HIVEP1: variants seen among roughly 807,000 people sequenced by gnomAD.
HIVEP1 encodes the protein zinc finger protein 40.
HIVEP1 carries 36 observed loss-of-function variants against 180.0 expected under a neutral mutation model. The ratio of observed to expected loss-of-function variants is 0.20; its 90% CI spans 0.15 to 0.26. The LOEUF (loss-of-function observed/expected upper bound fraction) is 0.26. Ranked by LOEUF, HIVEP1 falls within the 10% of genes least tolerant of loss-of-function variation. The probability of loss-of-function intolerance (pLI) is 1.00; values close to 1 mark genes in which losing one functional copy is unlikely to be tolerated. For missense variants in HIVEP1, 3,143 were observed against 3,268.7 expected, an observed-to-expected ratio of 0.96 and a Z score of 0.94; for synonymous variants, 1,239 against 1,239.0, an observed-to-expected ratio of 1.00 and a Z score of 0.00.
At chr6:12,051,792 C>T (rs762981752) in intron 2 of HIVEP1, among the ~76,000 whole-genome samples, 18 of 152,182 alleles carry the variant, frequency 1.2e-4, no homozygotes, top group Admixed American at 6.5e-5. Flanking sequence ...TTTATAAACG[C>T]TTATTCACTG....
At chr6:12,104,434 T>C (rs1361691563) in intron 3 of HIVEP1, among the ~76,000 whole-genome samples, 3 of 134,812 alleles carry the variant, frequency 2.2e-5, no homozygotes, top group South Asian at 2.6e-4. Flanking sequence ...CCTTTTTTTT[T>C]TTTTTTTTTT....
rs1760585136 is a variant in HIVEP1 at position 12,163,996 on chromosome 6, T to C, written c.7692T>C (p.Asp2564=). 6.2e-7 allele frequency: 1 copy of C among 1,614,082 alleles called. No individual in the cohort carries two copies. Among genetic ancestry groups the C allele is most frequent in the African/African-American group, 1.3e-5 (1 of 75,024 alleles). The part of the protein sequence containing the change: ...LIPSVSQVAV[D]AQGAPEMPAS... ...CCTCAGTCAGTCAAGTAGCCGTTGATGCACAGGGAGCTCCAGAAATGCCAG... is the reference window on the plus strand; with the variant it reads ...CCTCAGTCAGTCAAGTAGCCGTTGACGCACAGGGAGCTCCAGAAATGCCAG... Residue 2564 remains aspartate, a synonymous_variant, in exon 9 of 9, where the codon GAT becomes GAC. Transcript: ENST00000379388.
At position 12,123,179 on chromosome 6, in the gene HIVEP1, A is replaced by T. The variant is rs1188360615; in HGVS notation, c.3384A>T (p.Arg1128Ser). The T allele has an allele frequency of 6.2e-7, 1 of 1,614,126 alleles. No homozygotes were observed. ...SAAQDKIELQ[R>S]HGTGISVIQH... Reference sequence around the variant, plus strand: ...CCCAGGACAAGATAGAACTGCAGAGACACGGAACTGGAATCTCTGTCATCC... The same window carrying T: ...CCCAGGACAAGATAGAACTGCAGAGTCACGGAACTGGAATCTCTGTCATCC... Residue 1128 changes from arginine to serine, a missense_variant, in exon 4 of 9, where the codon AGA (arginine) becomes AGT (serine). Coordinates refer to ENST00000379388, the MANE Select transcript of HIVEP1 (RefSeq NM_002114.4).
intron 2 of HIVEP1, among the ~76,000 whole-genome samples, chr6:12,021,615 TAGAAG>T (rs1463272889): frequency 6.6e-6 from 1 of 152,200 alleles, no homozygotes; most frequent in Admixed American, 6.5e-5. Context: ...TATAATATGT[TAGAAG>T]AGACCATTTT....
chr6:12,074,619 A>AGTGTGTGTGTGTGT (rs113951055), intron 2 of HIVEP1, among the ~76,000 whole-genome samples: 4 of 138,768 alleles, frequency 2.9e-5, no homozygotes, highest in Non-Finnish European at 6.6e-5. Flanking sequence ...TGTATGAAAA[A>AGTGTGTGTGTGTGT]GTGTGTGTGT....
At chr6:12,170,683 A>G in the HIVEP1 span, among the ~76,000 whole-genome samples, 14 of 152,286 alleles carry the variant, frequency 9.2e-5, no homozygotes, top group South Asian at 1.9e-3. Context: ...CAATAATATT[A>G]TGGTTGGATT....
At chr6:12,177,832 A>G in the HIVEP1 span, among the ~76,000 whole-genome samples, 4,889 of 152,314 alleles carry the variant, frequency 0.032, 100 homozygotes, top group Non-Finnish European at 0.045. Context: ...TATTCAAAGT[A>G]CTTCAGAGAA....
chr6:12,099,183 G>GGTTTTTTTTTTTTTTTTTTTTTTTTTT (rs373744044), intron 3 of HIVEP1, among the ~76,000 whole-genome samples: 21 of 138,440 alleles, frequency 1.5e-4, no homozygotes, highest in African/African-American at 5.2e-4. Flanking sequence ...ATGTCACTGA[G>GGTTTTTTTTTTTTTTTTTTTTTTTTTT]TTTTTTTTTT....
intron 2 of HIVEP1, among the ~76,000 whole-genome samples, chr6:12,050,694 A>G (rs1770453539): frequency 6.6e-6 from 1 of 152,102 alleles, no homozygotes; most frequent in Admixed American, 6.5e-5. Flanking sequence ...TAGCTCTCGC[A>G]GTCGGGCCCT....
At chr6:12,166,143 G>T (rs986635182), downstream of HIVEP1, among the ~76,000 whole-genome samples, 1 of 152,098 alleles carries the variant, frequency 6.6e-6, no homozygotes, top group Non-Finnish European at 1.5e-5. Context: ...TGAAAATGAG[G>T]TCTGTTTTCT....
chr6:12,059,153 C>T (rs1333139894), intron 2 of HIVEP1, among the ~76,000 whole-genome samples: 1 of 152,018 alleles, frequency 6.6e-6, no homozygotes, highest in Non-Finnish European at 1.5e-5. Context: ...ATTATTAGAC[C>T]ATCACATGTT....
At chr6:12,046,848 T>TGTGTGTGTG (rs893896520) in intron 2 of HIVEP1, among the ~76,000 whole-genome samples, 2 of 148,614 alleles carry the variant, frequency 1.3e-5, no homozygotes, top group Non-Finnish European at 3.0e-5. Context: ...CACTACACTG[T>TGTGTGTGTG]GTGTGTGTGT....
At chr6:12,156,069 A>G (rs1366506301) in intron 7 of HIVEP1, among the ~76,000 whole-genome samples, 1 of 152,152 alleles carries the variant, frequency 6.6e-6, no homozygotes, top group Non-Finnish European at 1.5e-5. Flanking sequence ...GTGCCTATTC[A>G]TGTCCTTTGC....
chr6:12,088,625 T>C (rs1312352450), intron 2 of HIVEP1, among the ~76,000 whole-genome samples: 1 of 152,120 alleles, frequency 6.6e-6, no homozygotes, highest in Non-Finnish European at 1.5e-5. Flanking sequence ...TGCAGTGAGT[T>C]GTGTATAGTA....
chr6:12,015,676 A>C lies in HIVEP1; in HGVS notation c.40+8A>C. On this transcript the variant is annotated splice_region_variant and intron_variant, in intron 2 of 8. Coordinates refer to ENST00000379388, the MANE Select transcript of HIVEP1 (RefSeq NM_002114.4). Reference sequence around the variant, plus strand: ...ATCCCAGAAATCTAAGAGGTAAAGCATTGCATTAAGTAGAAGTAAGGCTTG... The same window carrying C: ...ATCCCAGAAATCTAAGAGGTAAAGCCTTGCATTAAGTAGAAGTAAGGCTTG... 6.2e-7 allele frequency: 1 copy of C among 1,611,970 alleles called. No homozygotes were observed. The highest frequency in any genetic ancestry group is 8.5e-7 in the Non-Finnish European group (1 of 1,178,242).
chr6:12,067,129 G>A (rs1771647332), intron 2 of HIVEP1, among the ~76,000 whole-genome samples: 1 of 152,102 alleles, frequency 6.6e-6, no homozygotes, highest in African/African-American at 2.4e-5. Flanking sequence ...GCTGGTTAGA[G>A]TTAGTGTTAG....
At chr6:12,100,659 C>T (rs1221399084) in intron 3 of HIVEP1, among the ~76,000 whole-genome samples, 2 of 152,064 alleles carry the variant, frequency 1.3e-5, no homozygotes, top group Non-Finnish European at 2.9e-5. Context: ...ATTCTGTAAA[C>T]CTAGTGTTTT....
At chr6:12,203,730 G>T in the HIVEP1 span, among the ~76,000 whole-genome samples, 242 of 152,290 alleles carry the variant, frequency 1.6e-3, 1 homozygote, top group Middle Eastern at 3.4e-3. Flanking sequence ...GTCTCAGAAG[G>T]TCACTCATGT....
chr6:12,125,689 A>G lies in HIVEP1; in HGVS notation c.5894A>G (p.Tyr1965Cys), dbSNP rs867594832. The G allele has an allele frequency of 2.5e-6, 4 of 1,614,230 alleles. No homozygotes were observed. Among genetic ancestry groups the G allele is most frequent in the Non-Finnish European group, 3.4e-6 (4 of 1,180,034 alleles). ...LPQKDQKTSA[Y>C]TDWTVSASNP... is the part of the protein sequence containing the mutation. Reference sequence around the variant, plus strand: ...CAGAAGGACCAGAAAACTTCAGCCTATACTGATTGGACAGTAAGCGCCAGT... The same window carrying G: ...CAGAAGGACCAGAAAACTTCAGCCTGTACTGATTGGACAGTAAGCGCCAGT... The change falls in exon 4 of 9, where the codon TAT becomes TGT. Residue 1965 changes from tyrosine (Y) to cysteine (C), a missense_variant. Transcript: ENST00000379388.
Sources: gnomAD v4.1 joint callset for allele counts (sites outside exome capture counted in the v4.1 genomes callset) on GRCh38, gnomAD v4.1.1 for gene constraint, MANE v1.5 for transcripts, NCBI Gene and HGNC (gene_info 2026-07-23, HGNC 2026-07-21) for gene names.